Variants in WDFY4 observed in about 807,000 individuals in gnomAD.
WDFY4 encodes the protein WDFY family member 4.
Under a neutral mutation model 351.9 loss-of-function variants are expected in WDFY4, and 169 were observed. The ratio of observed to expected loss-of-function variants is 0.48; its 90% CI spans 0.42 to 0.55. WDFY4 has a LOEUF of 0.55. WDFY4 is among the 20% of genes least tolerant of loss of function. The pLI is 0.00. For missense variants in WDFY4, 3,803 were observed against 3,935.6 expected (o/e 0.97, Z 0.90); for synonymous variants, 1,622 against 1,574.6 (o/e 1.03, Z -0.71).
chr10:48,810,385 T>G, intron 28 of WDFY4, 145 bp from the exon 29 acceptor site: 1 of 719,006 alleles, frequency 1.4e-6, no homozygotes, highest in Non-Finnish European at 2.2e-6. Flanking sequence ...ATTTTACTAT[T>G]CTTTTTAAAT....
At chr10:48,941,652 C>G (rs944634453) in intron 47 of WDFY4, among the ~76,000 whole-genome samples, 154 bp from the exon 48 acceptor site, 1 of 152,192 alleles carries the variant, frequency 6.6e-6, no homozygotes, top group African/African-American at 2.4e-5. Flanking sequence ...GACAGTCTCC[C>G]TGTGCTGTCC....
At chr10:48,708,012 C>A (rs181156615) in intron 1 of WDFY4, among the ~76,000 whole-genome samples, 2 of 152,202 alleles carry the variant, frequency 1.3e-5, no homozygotes, top group African/African-American at 4.8e-5. Context: ...ATAAAGTTTG[C>A]TTCAACAATA....
intron 39 of WDFY4, among the ~76,000 whole-genome samples, chr10:48,860,918 A>AT (rs933325899): frequency 5.1e-4 from 77 of 151,104 alleles, no homozygotes; most frequent in Admixed American, 9.9e-4. Flanking sequence ...AATTTTTTGG[A>AT]TTTTTTTTTA....
chr10:48,870,095 A>G (rs1446559444), intron 40 of WDFY4, among the ~76,000 whole-genome samples: 1 of 152,200 alleles, frequency 6.6e-6, no homozygotes, highest in Non-Finnish European at 1.5e-5. Context: ...ATAACCATTC[A>G]TAACAACTCA....
chr10:48,744,109 T>A (rs929456325), intron 12 of WDFY4, among the ~76,000 whole-genome samples: 20 of 152,172 alleles, frequency 1.3e-4, no homozygotes, highest in Non-Finnish European at 7.3e-5. Context: ...AGTAAACAAC[T>A]TTTTCCTCTC....
At chr10:48,967,873 A>G (rs1303973419) in intron 55 of WDFY4, 1 of 152,236 alleles carries the variant, frequency 6.6e-6, no homozygotes, top group East Asian at 1.9e-4. Flanking sequence ...AAGTCCAAGA[A>G]CAGTGTCATT....
At chr10:48,974,717 GCA>G in intron 57 of WDFY4, 143 bp from the exon 58 acceptor site, 1 of 827,240 alleles carries the variant, frequency 1.2e-6, no homozygotes, top group Non-Finnish European at 1.8e-6. Flanking sequence ...ACCCCCAGCT[GCA>G]CAGACAACAG....
chr10:48,819,888 G>C (rs1394998967), intron 32 of WDFY4, among the ~76,000 whole-genome samples: 1 of 152,202 alleles, frequency 6.6e-6, no homozygotes, highest in Non-Finnish European at 1.5e-5. Context: ...CAGATCCGGT[G>C]TCAGATGGTT....
chr10:48,890,206 C>T (rs2070634814), intron 43 of WDFY4, among the ~76,000 whole-genome samples: 1 of 152,242 alleles, frequency 6.6e-6, no homozygotes, highest in African/African-American at 2.4e-5. Context: ...TCCTCTGTAA[C>T]TGAGCGATGT....
intron 61 of WDFY4, 107 bp from the exon 62 acceptor site, chr10:48,982,402 C>A: frequency 1.0e-6 from 1 of 989,792 alleles, no homozygotes; most frequent in Non-Finnish European, 1.4e-6. Flanking sequence ...CAGGGGCAAG[C>A]TCCGCTGGGC....
chr10:48,828,802 G>A lies in WDFY4; in HGVS notation c.6246G>A (p.Glu2082=), dbSNP rs1408048326. ...GTTACCCAGAAGGATTTGGATTGGA[G>A]CCCAAGCCTAGAATGTCTACTTATC... is the stretch of plus-strand genomic sequence containing the variant. The part of the protein sequence containing the change: ...ERSYPEGFGL[E]PKPRMSTYHQ... Residue 2082 remains glutamate, a synonymous_variant, in exon 37 of 62, where the codon GAG becomes GAA. Transcript: ENST00000325239. 3.2e-6 allele frequency: 5 copies of A among 1,549,352 alleles called. No homozygotes were observed. The highest frequency in any genetic ancestry group is 4.0e-5 in the Admixed American group (2 of 50,460).
At chr10:48,837,647 G>A (rs1290139532) in intron 39 of WDFY4, among the ~76,000 whole-genome samples, 1 of 152,190 alleles carries the variant, frequency 6.6e-6, no homozygotes. Flanking sequence ...GACAGCACCT[G>A]GGGGTGGGAA....
Position 48,895,397 on chromosome 10 carries a change from G to A in WDFY4, c.7317-2057G>A, listed in dbSNP as rs552913558. Among the ~76,000 whole-genome samples, 44 of 152,320 alleles carry A rather than the reference G, an allele frequency of 2.9e-4. No homozygotes were observed. In the South Asian group the frequency reaches 8.9e-3, roughly 31 times the overall value. On this transcript the variant is annotated intron_variant, in intron 44 of 61. Coordinates refer to ENST00000325239, the MANE Select transcript of WDFY4 (RefSeq NM_001394531.1). The stretch of plus-strand genomic sequence containing the variant: ...CCTCACCCACTCCCTGTCACCTTAG[G>A]CTGGGGCTGGCAGGACCACCTTGGG...
At position 48,873,650 on chromosome 10, in the gene WDFY4, A is replaced by T. The variant is rs2069873181; in HGVS notation, c.6901A>T (p.Ile2301Phe). The T allele has an allele frequency of 6.4e-7, 1 of 1,551,750 alleles. No homozygotes were observed. The highest frequency in any genetic ancestry group is 1.2e-5 in the South Asian group (1 of 84,066). Reference protein sequence around the residue: ...REGPARMRKRIKRLSPLEALS... With the variant: ...REGPARMRKRFKRLSPLEALS... Reference sequence around the variant, plus strand: ...AGGACCAGCTCGAATGAGGAAACGCATCAAACGCTTGTCTCCTTTGGAGGC... The same window carrying T: ...AGGACCAGCTCGAATGAGGAAACGCTTCAAACGCTTGTCTCCTTTGGAGGC... The change falls in exon 41 of 62, where the codon ATC becomes TTC. Residue 2301 changes from isoleucine to phenylalanine, a missense_variant. Around this residue, in one of 3 missense-constraint regions of WDFY4, gnomAD observed 3,054 missense variants for 3,148.6 expected, o/e 0.97. Transcript: ENST00000325239.
chr10:48,808,030 A>G, intron 28 of WDFY4, 72 bp downstream of exon 28: 1 of 1,281,678 alleles, frequency 7.8e-7, no homozygotes, highest in Non-Finnish European at 1.0e-6. Flanking sequence ...ACCTTTTCTT[A>G]ATGAAAAGTT....
intron 45 of WDFY4, among the ~76,000 whole-genome samples, chr10:48,899,945 C>A (rs1227968782): frequency 2.0e-5 from 3 of 152,182 alleles, no homozygotes; most frequent in Admixed American, 2.0e-4. Context: ...TGCTTTCTCT[C>A]GTGTCTGCTT....
At chr10:48,783,788 C>A (rs1442266404) in intron 19 of WDFY4, among the ~76,000 whole-genome samples, 1 of 152,152 alleles carries the variant, frequency 6.6e-6, no homozygotes, top group African/African-American at 2.4e-5. Context: ...GGCTATAAAC[C>A]TAGACAGCAT....
chr10:48,971,376 G>C (rs1287022453), intron 57 of WDFY4, among the ~76,000 whole-genome samples: 1 of 151,948 alleles, frequency 6.6e-6, no homozygotes, highest in East Asian at 1.9e-4. Flanking sequence ...GGTGCCTGTA[G>C]TCCCATCTAC....
chr10:48,816,733 T>C (rs1326625503), intron 31 of WDFY4, among the ~76,000 whole-genome samples: 1 of 152,182 alleles, frequency 6.6e-6, no homozygotes, highest in East Asian at 1.9e-4. Context: ...AGTAAAAATA[T>C]AAGACCAAAC....
Sources: allele counts gnomAD v4.1 joint callset (sites outside exome capture counted in the v4.1 genomes callset), GRCh38; gene constraint gnomAD v4.1.1; regional missense constraint gnomAD v4.1.1; transcripts MANE v1.5; gene names NCBI Gene and HGNC (gene_info 2026-07-23, HGNC 2026-07-21).